The following PRIM2 variants were observed in gnomAD, a reference collection of about 807,000 sequenced individuals.
The protein encoded by PRIM2 is DNA primase large subunit.
Under a neutral mutation model 67.3 loss-of-function variants are expected in PRIM2, and 39 were observed. The ratio of observed to expected loss-of-function variants is 0.58; its 90% CI spans 0.45 to 0.76. The LOEUF (loss-of-function observed/expected upper bound fraction) is 0.76, where lower values mean the gene tolerates loss of function less well. Among genes scored for constraint, PRIM2 ranks in the 30% least tolerant of loss-of-function variants. The probability of loss-of-function intolerance (pLI) is 0.00; values close to 1 mark genes in which losing one functional copy is unlikely to be tolerated. For missense variants in PRIM2, 398 were observed against 598.7 expected, an observed-to-expected ratio of 0.66 and a Z score of 3.50; for synonymous variants, 143 against 198.7, an observed-to-expected ratio of 0.72 and a Z score of 2.36.
At chr6:57,537,085 G>T (rs1249312356) in intron 9 of PRIM2, among the ~76,000 whole-genome samples, 3 of 152,028 alleles carry the variant, frequency 2.0e-5, no homozygotes, top group Non-Finnish European at 4.4e-5. Flanking sequence ...ATCTTTGGGG[G>T]AATTTGGATA....
chr6:57,330,375 G>GT (rs1768016631), intron 5 of PRIM2, among the ~76,000 whole-genome samples: 7 of 83,392 alleles, frequency 8.4e-5, no homozygotes, highest in South Asian at 3.9e-4. Context: ...TTGTTTTTTT[G>GT]TTTTTTTGTT....
chr6:57,227,114 T>C, the PRIM2 span, among the ~76,000 whole-genome samples: 1 of 152,272 alleles, frequency 6.6e-6, no homozygotes, highest in African/African-American at 2.4e-5. Context: ...CATATATATA[T>C]TTACTTTTGT....
chr6:57,317,108 T>G (rs1581783281), upstream of PRIM2, among the ~76,000 whole-genome samples: 2 of 152,338 alleles, frequency 1.3e-5, no homozygotes, highest in East Asian at 3.9e-4. Flanking sequence ...TTTTCTCATC[T>G]GCCAAATGGG....
chr6:57,406,749 T>A (rs1253054659), intron 7 of PRIM2, among the ~76,000 whole-genome samples: 6 of 152,160 alleles, frequency 3.9e-5, no homozygotes, highest in Non-Finnish European at 8.8e-5. Flanking sequence ...TGCTGTTTTG[T>A]ATAAAATCTT....
intron 7 of PRIM2, among the ~76,000 whole-genome samples, chr6:57,446,102 TC>T (rs1478509006): frequency 1.3e-5 from 2 of 152,304 alleles, no homozygotes; most frequent in East Asian, 3.9e-4. Context: ...AGTAAATACT[TC>T]CTCAGAGCCA....
At chr6:57,274,214 C>T in the PRIM2 span, among the ~76,000 whole-genome samples, 2 of 152,256 alleles carry the variant, frequency 1.3e-5, no homozygotes, top group Non-Finnish European at 2.9e-5. Context: ...TGTCTGTGCC[C>T]TGCCCCCAGA....
intron 5 of PRIM2, among the ~76,000 whole-genome samples, chr6:57,338,885 T>C (rs1768369341): frequency 6.6e-6 from 1 of 151,554 alleles, no homozygotes; most frequent in Admixed American, 6.6e-5. Context: ...AAATAAAGGG[T>C]ATTCAATTAG....
chr6:57,284,347 T>A, the PRIM2 span, among the ~76,000 whole-genome samples: 6 of 152,314 alleles, frequency 3.9e-5, no homozygotes, highest in Non-Finnish European at 8.8e-5. Flanking sequence ...TGTACGCTAT[T>A]CAGGTCAAAA....
chr6:57,535,926 C>G (rs1774992730), intron 9 of PRIM2, among the ~76,000 whole-genome samples: 1 of 151,890 alleles, frequency 6.6e-6, no homozygotes. Flanking sequence ...GGAAACCTTG[C>G]ATGTTCATAC....
intron 5 of PRIM2, among the ~76,000 whole-genome samples, chr6:57,349,799 G>T (rs1768803640): frequency 6.6e-6 from 1 of 152,016 alleles, no homozygotes; most frequent in Non-Finnish European, 1.5e-5. Context: ...TTTAAAAAAA[G>T]ATATTGTTTG....
intron 8 of PRIM2, among the ~76,000 whole-genome samples, chr6:57,520,752 A>G (rs1313043625): frequency 7.2e-5 from 11 of 152,318 alleles, no homozygotes; most frequent in Admixed American, 5.9e-4. Flanking sequence ...ATGAGATGCA[A>G]CTTTCACTTA....
intron 7 of PRIM2, among the ~76,000 whole-genome samples, chr6:57,489,020 T>A (rs1773817128): frequency 1.3e-5 from 2 of 152,180 alleles, no homozygotes; most frequent in Non-Finnish European, 2.9e-5. Context: ...TTGTGAGAAC[T>A]CTTTATCTCT....
At chr6:57,453,938 CTTATTA>C (rs1194407092) in intron 7 of PRIM2, among the ~76,000 whole-genome samples, 1 of 152,090 alleles carries the variant, frequency 6.6e-6, no homozygotes, top group Non-Finnish European at 1.5e-5. Flanking sequence ...ATAGATAGCT[CTTATTA>C]TTTTGAGATA....
At chr6:57,543,507 A>G (rs1775221435) in intron 10 of PRIM2, among the ~76,000 whole-genome samples, 1 of 152,186 alleles carries the variant, frequency 6.6e-6, no homozygotes, top group Non-Finnish European at 1.5e-5. Context: ...ATGCATTGCT[A>G]TGTGAGTCTG....
intron 7 of PRIM2, among the ~76,000 whole-genome samples, chr6:57,456,904 C>G (rs1229420408): frequency 6.6e-6 from 1 of 152,038 alleles, no homozygotes; most frequent in Non-Finnish European, 1.5e-5. Context: ...CTGTTTTTTC[C>G]CCATCTTTGT....
chr6:57,441,926 T>C (rs1772214037), intron 7 of PRIM2, among the ~76,000 whole-genome samples: 1 of 152,064 alleles, frequency 6.6e-6, no homozygotes, highest in African/African-American at 2.4e-5. Context: ...ATTAAAAAGA[T>C]GTACCCAGTT....
intron 10 of PRIM2, among the ~76,000 whole-genome samples, chr6:57,592,790 C>CAAAAA (rs1181535156): frequency 3.1e-4 from 34 of 111,266 alleles, no homozygotes; most frequent in African/African-American, 1.1e-3. Flanking sequence ...GACTCTGTCT[C>CAAAAA]AAAAAAAAAA....
chr6:57,453,828 A>C (rs1167959858), intron 7 of PRIM2, among the ~76,000 whole-genome samples: 1 of 152,146 alleles, frequency 6.6e-6, no homozygotes, highest in African/African-American at 2.4e-5. Context: ...ACTGTGTTGA[A>C]TAGGAGTGGT....
chr6:57,295,692 G>C, the PRIM2 span, among the ~76,000 whole-genome samples: 1 of 152,170 alleles, frequency 6.6e-6, no homozygotes, highest in Non-Finnish European at 1.5e-5. Flanking sequence ...TCCCTCCTGA[G>C]TGCCAAATCT....
Sources: gnomAD v4.1 joint callset for allele counts (sites outside exome capture counted in the v4.1 genomes callset) on GRCh38, gnomAD v4.1.1 for gene constraint, MANE v1.5 for transcripts, NCBI Gene and HGNC (gene_info 2026-07-23, HGNC 2026-07-21) for gene names.